AREL1: variants seen among roughly 807,000 people sequenced by gnomAD.
AREL1 encodes apoptosis resistant E3 ubiquitin protein ligase 1.
A neutral mutation model predicts 99.0 loss-of-function variants in AREL1; 62 were observed. That is an observed-to-expected ratio of 0.63 (90% confidence interval 0.51 to 0.77). AREL1 has a LOEUF of 0.77. Ranked by LOEUF, AREL1 falls within the 30% of genes least tolerant of loss-of-function variation. The probability of loss-of-function intolerance (pLI) is 0.00; values close to 1 mark genes in which losing one functional copy is unlikely to be tolerated. For synonymous variants in AREL1, 380 were observed against 376.5 expected (o/e 1.01, Z -0.11); for missense variants, 879 against 1,027.6 (o/e 0.86, Z 1.98).
chr14:74,690,561 TTTTCTACAGCAG>T (rs1321293554), intron 2 of AREL1, among the ~76,000 whole-genome samples: 1 of 152,210 alleles, frequency 6.6e-6, no homozygotes, highest in Non-Finnish European at 1.5e-5. Context: ...TGCATGGTAT[TTTTCTACAGCAG>T]TTTCTACAGC....
Position 74,712,364 on chromosome 14 carries a change from AT to A in AREL1, c.-334+568del, listed in dbSNP as rs1413577536. Among the ~76,000 whole-genome samples the A allele has an allele frequency of 4.6e-5, 7 of 152,230 alleles. No individual in the cohort carries two copies. In the East Asian group the frequency reaches 1.3e-3, roughly 29 times the overall value. ...TGTATTACAAACTGTATGTGTGCCC[AT>A]TTTTTAAAGAATTGTTCCTGGCTTT... On this transcript the variant is annotated intron_variant, in intron 1 of 19. Coordinates refer to ENST00000356357, the MANE Select transcript of AREL1 (RefSeq NM_001039479.2).
At chr14:74,683,932 C>A (rs2089691432) in intron 4 of AREL1, among the ~76,000 whole-genome samples, 2 of 152,150 alleles carry the variant, frequency 1.3e-5, no homozygotes. Context: ...AAAGCGTTAC[C>A]AGACAAAGGT....
chr14:74,712,816 C>T lies in AREL1; in HGVS notation c.-334+117G>A, dbSNP rs187829817. 727 of 394,120 alleles carry T rather than the reference C, an allele frequency of 1.8e-3. 9 individuals carry two copies. The highest frequency in any genetic ancestry group is 5.4e-4 in the Non-Finnish European group (111 of 205,284). The allele number at this position is 394,120 out of a possible 1,614,324, so 24.4% of individuals were successfully genotyped here. The stretch of plus-strand genomic sequence containing the variant: ...ACAGGGTGAGGAGAATGTGTTCCCC[C>T]AAACTACTGGGCAAACCAGGAGTCT... On this transcript the variant is annotated intron_variant, in intron 1 of 19. Transcript: ENST00000356357.
Position 74,670,119 on chromosome 14 carries a change from G to A in AREL1, c.1616C>T (p.Pro539Leu), listed in dbSNP as rs766814268. The A allele has an allele frequency of 6.2e-7, 1 of 1,602,310 alleles. No homozygotes were observed. The highest frequency in any genetic ancestry group is 8.5e-7 in the Non-Finnish European group (1 of 1,173,114). ...CAGATGAGCGGGGCGATTAGGGTTGGGATGCACCTGTCCAAGAAAGAGACT... is the reference window on the plus strand; with the variant it reads ...CAGATGAGCGGGGCGATTAGGGTTGAGATGCACCTGTCCAAGAAAGAGACT... ...FSDNNQALVH[P>L]NPNRPAHLRL... The change falls in exon 14 of 20, where the codon CCC (proline) becomes CTC (leucine). Residue 539 changes from proline to leucine, a missense_variant. By Grantham distance (98) the Pro-to-Leu change is moderately conservative. Coordinates refer to ENST00000356357, the MANE Select transcript of AREL1 (RefSeq NM_001039479.2).
At chr14:74,706,047 C>A (rs1348500880) in intron 1 of AREL1, among the ~76,000 whole-genome samples, 1 of 152,140 alleles carries the variant, frequency 6.6e-6, no homozygotes, top group African/African-American at 2.4e-5. Flanking sequence ...AACCCTAAAT[C>A]TAGAAAATAC....
chr14:74,671,438 T>C lies in AREL1; in HGVS notation c.1468A>G (p.Asn490Asp). The C allele has an allele frequency of 6.3e-7, 1 of 1,590,876 alleles. No individual in the cohort carries two copies. The highest frequency in any genetic ancestry group is 8.5e-7 in the Non-Finnish European group (1 of 1,170,562). The change falls in exon 12 of 20, where the codon AAC (asparagine) becomes GAC (aspartate). Residue 490 changes from asparagine to aspartate, a missense_variant. Transcript: ENST00000356357. ...TCATCCTGGAAAACAACCTCAAAGT[T>C]CTTGCTCCAATCTGAGATGGAGAAA... The part of the protein sequence containing the change: ...RNFSISDWSK[N>D]FEVVFQDEEA...
At chr14:74,666,909 G>A (rs985081689) in intron 17 of AREL1, among the ~76,000 whole-genome samples, 10 of 151,832 alleles carry the variant, frequency 6.6e-5, no homozygotes, top group South Asian at 2.1e-4. Context: ...CAGTAGAGAC[G>A]GGGTTTCACC....
chr14:74,710,982 A>T (rs1338212000), intron 1 of AREL1, among the ~76,000 whole-genome samples: 2 of 152,224 alleles, frequency 1.3e-5, no homozygotes, highest in Admixed American at 1.3e-4. Context: ...CTGTAATCCC[A>T]GCACTTTGGG....
intron 5 of AREL1, among the ~76,000 whole-genome samples, chr14:74,678,923 C>G (rs2089560973): frequency 6.6e-6 from 1 of 152,118 alleles, no homozygotes; most frequent in South Asian, 2.1e-4. Context: ...CAGGGTCTCA[C>G]TTTGTCACCC....
chr14:74,709,971 T>C (rs191032233), intron 1 of AREL1, among the ~76,000 whole-genome samples: 176 of 152,344 alleles, frequency 1.2e-3, no homozygotes, highest in African/African-American at 4.2e-3. Context: ...ATGCCTTGGG[T>C]GATTTTTTCT....
intron 1 of AREL1, among the ~76,000 whole-genome samples, chr14:74,697,908 C>T (rs1170852366): frequency 6.6e-6 from 1 of 152,136 alleles, no homozygotes; most frequent in Non-Finnish European, 1.5e-5. Flanking sequence ...GACACTGGGG[C>T]ATGCTAGAAT....
intron 2 of AREL1, among the ~76,000 whole-genome samples, chr14:74,686,901 A>G (rs17101964): frequency 0.027 from 4,134 of 152,286 alleles, 121 homozygotes; most frequent in African/African-American, 0.071. Flanking sequence ...CAATATAAAG[A>G]GCCAAAATTT....
At chr14:74,681,807 G>C (rs562916992) in intron 5 of AREL1, among the ~76,000 whole-genome samples, 2 of 151,532 alleles carry the variant, frequency 1.3e-5, no homozygotes, top group Admixed American at 6.6e-5. Flanking sequence ...AAACAGGTTG[G>C]GGGGGATAGG....
intron 11 of AREL1, chr14:74,671,918 C>T: frequency 4.6e-6 from 2 of 430,452 alleles, no homozygotes; most frequent in South Asian, 3.3e-5. Flanking sequence ...GACAGCGAGC[C>T]ATGCCACACG....
chr14:74,669,795 A>G (rs2089289531), intron 14 of AREL1, 21 bp from the exon 15 acceptor site: 2 of 1,613,710 alleles, frequency 1.2e-6, no homozygotes, highest in Non-Finnish European at 1.7e-6. Context: ...AGAAAGACAC[A>G]GAACAGAACA....
chr14:74,667,249 C>T, intron 17 of AREL1, 70 bp downstream of exon 17: 1 of 1,582,372 alleles, frequency 6.3e-7, no homozygotes, highest in South Asian at 1.1e-5. Flanking sequence ...AGAGAAGGTA[C>T]ACCAAGCTGG....
chr14:74,697,074 G>A (rs984348806), intron 1 of AREL1, among the ~76,000 whole-genome samples: 2 of 152,184 alleles, frequency 1.3e-5, no homozygotes, highest in Non-Finnish European at 2.9e-5. Context: ...AAGCCCAGAA[G>A]TTTGAGGCTA....
intron 8 of AREL1, 80 bp downstream of exon 8, chr14:74,675,619 C>T: frequency 6.5e-7 from 1 of 1,533,544 alleles, no homozygotes; most frequent in Non-Finnish European, 8.8e-7. Context: ...CAGACTGTTA[C>T]TTTGTGGTTT....
chr14:74,712,038 C>CAAA (rs752599769), intron 1 of AREL1: 10 of 28,696 alleles, frequency 3.5e-4, no homozygotes, highest in East Asian at 1.4e-3. Context: ...AGACAAAGTG[C>CAAA]AAAAAAAAAA....
Sources: gnomAD v4.1 joint callset for allele counts (sites outside exome capture counted in the v4.1 genomes callset) on GRCh38, gnomAD v4.1.1 for gene constraint, MANE v1.5 for transcripts, NCBI Gene and HGNC (gene_info 2026-07-23, HGNC 2026-07-21) for gene names.